DMBX1: variants seen among roughly 807,000 people sequenced by gnomAD.
DMBX1 encodes diencephalon/mesencephalon homeobox protein 1.
Under a neutral mutation model 30.4 loss-of-function variants are expected in DMBX1, and 7 were observed. That is an observed-to-expected ratio of 0.23 (90% CI 0.13 to 0.43). The LOEUF is 0.43. Ranked by LOEUF, DMBX1 falls within the 20% of genes least tolerant of loss-of-function variation. The pLI, the probability that DMBX1 is intolerant of heterozygous loss-of-function variation, is 1.00. For synonymous variants in DMBX1, 222 were observed against 214.2 expected (o/e 1.04, Z -0.32); for missense variants, 460 against 508.5 (o/e 0.90, Z 0.92).
intron 5 of DMBX1, 107 bp from the exon 6 acceptor site, chr1:46,511,936 G>A: frequency 8.8e-7 from 1 of 1,140,496 alleles, no homozygotes; most frequent in Non-Finnish European, 1.2e-6. Context: ...TTCAGCCGAA[G>A]CCTGTCTTGT....
Position 46,510,819 on chromosome 1 carries a change from C to T in DMBX1, c.334-116C>T. On this transcript the variant is annotated intron_variant, in intron 4 of 5. Transcript: ENST00000360032. This position sits in a 1 kb window ranked among gnomAD's most constrained non-coding sequence, Gnocchi z 4.1. ...AGTTTGGGAAGGGACAGAGGGTGTGCATTCCCTAGAGGGGTGGGGGGATGT... is the reference window on the plus strand; with the variant it reads ...AGTTTGGGAAGGGACAGAGGGTGTGTATTCCCTAGAGGGGTGGGGGGATGT... The T allele has an allele frequency of 7.5e-7, 1 of 1,340,878 alleles. No individual in the cohort carries two copies. The allele number at this position is 1,340,878 out of a possible 1,614,324, so 83.1% of individuals were successfully genotyped here.
At chr1:46,492,663 C>T (rs1665951017) in intron 2 of DMBX1, among the ~76,000 whole-genome samples, 2 of 152,222 alleles carry the variant, frequency 1.3e-5, no homozygotes, top group African/African-American at 2.4e-5. Flanking sequence ...TCTAGATTGA[C>T]GGTCACACAC....
Position 46,510,764 on chromosome 1 carries a change from C to A in DMBX1, c.333+110C>A. 7.1e-7 allele frequency: 1 copy of A among 1,415,498 alleles called. No homozygotes were observed. Among genetic ancestry groups the A allele is most frequent in the Non-Finnish European group, 9.5e-7 (1 of 1,052,800 alleles). The allele number at this position is 1,415,498 out of a possible 1,614,324, so 87.7% of individuals were successfully genotyped here. On this transcript the variant is annotated intron_variant, in intron 4 of 5. Coordinates refer to ENST00000360032, the MANE Select transcript of DMBX1 (RefSeq NM_172225.2). The surrounding 1 kb of genome is among the most constrained non-coding windows in gnomAD (Gnocchi z 4.1). ...CCCTGTGCCAAGGTGCAACTGATCTCTCCATCAAAGCCTTCAGTGATAGGA... is the reference window on the plus strand; with the variant it reads ...CCCTGTGCCAAGGTGCAACTGATCTATCCATCAAAGCCTTCAGTGATAGGA...
Position 46,512,452 on chromosome 1 carries a change from G to A in DMBX1, c.1092G>A (p.Lys364=). The A allele has an allele frequency of 6.2e-7, 1 of 1,613,522 alleles. No individual in the cohort carries two copies. Among genetic ancestry groups the A allele is most frequent in the Non-Finnish European group, 8.5e-7 (1 of 1,179,794 alleles). ...TCGAGAACCTGCGGCTCCGGGCCAA[G>A]CAGCACGCGGCCTCCCTGGGACTCG... ...TSIENLRLRA[K]QHAASLGLDT... Residue 364 remains lysine, a synonymous_variant, in exon 6 of 6, where the codon AAG becomes AAA. Transcript: ENST00000360032. This position sits in a 1 kb window ranked among gnomAD's most constrained non-coding sequence, Gnocchi z 4.8.
At chr1:46,500,458 C>T (rs1378457278) in intron 2 of DMBX1, among the ~76,000 whole-genome samples, 1 of 151,982 alleles carries the variant, frequency 6.6e-6, no homozygotes, top group African/African-American at 2.4e-5. Context: ...AAACTCTGTT[C>T]CCCCTTCCCC....
At chr1:46,492,099 C>G (rs370562973) in intron 2 of DMBX1, among the ~76,000 whole-genome samples, 11 of 152,250 alleles carry the variant, frequency 7.2e-5, no homozygotes, top group East Asian at 1.9e-4. Context: ...GCCCAGACCC[C>G]GAATGGAATG....
chr1:46,512,242 T>C lies in DMBX1; in HGVS notation c.882T>C (p.Ala294=), dbSNP rs1557791468. The change falls in exon 6 of 6, where the codon GCT becomes GCC. Residue 294 remains alanine (A), a synonymous_variant. Coordinates refer to ENST00000360032, the MANE Select transcript of DMBX1 (RefSeq NM_172225.2). The surrounding 1 kb of genome is among the most constrained non-coding windows in gnomAD (Gnocchi z 4.8). The part of the protein sequence containing the change: ...GGPAPAAAAA[A]AAVPYLGVNM... ...CGGCCCCTGCTGCTGCAGCGGCGGC[T>C]GCTGCTGTGCCCTACCTGGGCGTCA... 6.2e-7 allele frequency: 1 copy of C among 1,613,744 alleles called. No individual in the cohort carries two copies.
rs541766664 is a variant in DMBX1, at chr1:46,489,839, G to A, written c.-191G>A. ...TCCAGCCCAGGCCCCGTCGCGCGTA[G>A]ATGGCAGCGGAGGCGGCGGCGCGGG... On this transcript the variant is annotated 5_prime_UTR_variant, in exon 1 of 6. Coordinates refer to ENST00000360032, the MANE Select transcript of DMBX1 (RefSeq NM_172225.2). Among the ~76,000 whole-genome samples, 375 of 152,102 alleles carry A rather than the reference G, an allele frequency of 2.5e-3. 1 individual carries two copies. Among genetic ancestry groups the A allele is most frequent in the African/African-American group, 8.7e-3 (363 of 41,506 alleles).
intron 2 of DMBX1, among the ~76,000 whole-genome samples, chr1:46,504,549 G>A (rs1479269973): frequency 6.9e-6 from 1 of 145,912 alleles, no homozygotes; most frequent in Admixed American, 6.8e-5. Context: ...ATTTCTGAGG[G>A]CTCTGTTCTG....
Position 46,510,949 on chromosome 1 carries a change from C to T in DMBX1, c.348C>T (p.Asn116=). ...PEARVQVWFK[N]RRAKFRKKQR... ...CCCGTCCCCAGGTGTGGTTCAAGAA[C>T]CGCCGGGCCAAGTTCCGGAAGAAGC... is the stretch of plus-strand genomic sequence containing the variant. Residue 116 remains asparagine, a synonymous_variant, in exon 5 of 6, where the codon AAC becomes AAT. Transcript: ENST00000360032. This position sits in a 1 kb window ranked among gnomAD's most constrained non-coding sequence, Gnocchi z 4.1. The T allele has an allele frequency of 6.2e-7, 1 of 1,605,124 alleles. No individual in the cohort carries two copies. Among genetic ancestry groups the T allele is most frequent in the Non-Finnish European group, 8.5e-7 (1 of 1,174,950 alleles).
In DMBX1 at chr1:46,515,910, G is replaced by A. The variant is rs1666482686; in HGVS notation, c.*3416G>A. 6.6e-6 allele frequency among the ~76,000 whole-genome samples: 1 copy of A among 152,160 alleles called. No individual in the cohort carries two copies. Among genetic ancestry groups the A allele is most frequent in the Non-Finnish European group, 1.5e-5 (1 of 68,026 alleles). The stretch of plus-strand genomic sequence containing the variant: ...TCACTCCCTCAGAGCATGGTCCAGG[G>A]GCCCGGATCCCAACCCCAACTCCAA... On this transcript the variant is annotated 3_prime_UTR_variant, in exon 6 of 6. Transcript: ENST00000360032.
intron 2 of DMBX1, among the ~76,000 whole-genome samples, chr1:46,494,815 AAGG>A (rs1665998754): frequency 6.6e-6 from 1 of 151,908 alleles, no homozygotes; most frequent in Non-Finnish European, 1.5e-5. Context: ...GTGGAGATGA[AAGG>A]AGGATGAGCA....
At chr1:46,490,137 A>C (rs1665902302) in intron 1 of DMBX1, among the ~76,000 whole-genome samples, 1 of 152,204 alleles carries the variant, frequency 6.6e-6, no homozygotes, top group Non-Finnish European at 1.5e-5. Context: ...ACAGAGGAAG[A>C]GATACCCGGG....
rs764508282 is a variant in DMBX1 at position 46,511,076 on chromosome 1, A to G, written c.475A>G (p.Thr159Ala). ...CCCCACTCCAGATACCCAGCTGGAC[A>G]CTGAGCAGCCCCCACGTCTGCCTGG... Reference protein sequence around the residue: ...EAPTPDTQLDTEQPPRLPGSD... With the variant: ...EAPTPDTQLDAEQPPRLPGSD... Residue 159 changes from threonine (T) to alanine (A), a missense_variant, in exon 5 of 6, where the codon ACT becomes GCT. By Grantham distance (58) the Thr-to-Ala change is moderately conservative. Coordinates refer to ENST00000360032, the MANE Select transcript of DMBX1 (RefSeq NM_172225.2). The G allele has an allele frequency of 3.7e-6, 6 of 1,613,986 alleles. No homozygotes were observed. In the African/African-American group the frequency reaches 8.0e-5, roughly 22 times the overall value.
intron 1 of DMBX1, among the ~76,000 whole-genome samples, 49 bp from the exon 2 acceptor site, chr1:46,490,595 G>T (rs1045672704): frequency 6.6e-5 from 10 of 152,204 alleles, no homozygotes; most frequent in South Asian, 2.1e-4. Context: ...CGCGAACCCC[G>T]CAGTGCTCCG....
intron 2 of DMBX1, among the ~76,000 whole-genome samples, chr1:46,505,599 G>A (rs1666218290): frequency 6.7e-6 from 1 of 148,568 alleles, no homozygotes; most frequent in Non-Finnish European, 1.5e-5. Context: ...GGGGACTGTT[G>A]TGGGGTTGGG....
chr1:46,495,185 A>G (rs72892792), intron 2 of DMBX1, among the ~76,000 whole-genome samples: 203 of 152,344 alleles, frequency 1.3e-3, no homozygotes, highest in African/African-American at 4.7e-3. Context: ...CAATTCCCCT[A>G]GAATCTGAGC....
intron 2 of DMBX1, among the ~76,000 whole-genome samples, chr1:46,494,664 CT>C (rs1353210145): frequency 2.0e-5 from 3 of 152,132 alleles, no homozygotes; most frequent in African/African-American, 4.8e-5. Context: ...TGAGAATCTC[CT>C]TTGAGGAATT....
rs1666222659 is a variant in DMBX1 at position 46,505,788 on chromosome 1, A to G, written c.-12-1211A>G. Among the ~76,000 whole-genome samples the G allele has an allele frequency of 2.0e-5, 3 of 149,972 alleles. No homozygotes were observed. In the South Asian group the frequency reaches 6.3e-4, roughly 31 times the overall value. On this transcript the variant is annotated intron_variant, in intron 2 of 5. Coordinates refer to ENST00000360032, the MANE Select transcript of DMBX1 (RefSeq NM_172225.2). ...AAATAAAACATTAACTTCTACTTAAAAAAAAAAAAAAGAAAGAATAAGCCT... is the reference window on the plus strand; with the variant it reads ...AAATAAAACATTAACTTCTACTTAAGAAAAAAAAAAAGAAAGAATAAGCCT...
Sources: allele counts gnomAD v4.1 joint callset (sites outside exome capture counted in the v4.1 genomes callset), GRCh38; gene constraint gnomAD v4.1.1; non-coding constraint Gnocchi (gnomAD v3.1); transcripts MANE v1.5; gene names NCBI Gene and HGNC (gene_info 2026-07-23, HGNC 2026-07-21).